ESRRG: variants seen among roughly 807,000 people sequenced by gnomAD.
ESRRG encodes estrogen-related receptor gamma.
A neutral mutation model predicts 44.0 loss-of-function variants in ESRRG; 13 were observed. The observed-to-expected ratio is 0.30, with a 90% CI of 0.19 to 0.47. The LOEUF is 0.47. Among genes scored for constraint, ESRRG ranks in the 20% least tolerant of loss-of-function variants. ESRRG has a pLI of 1.00. For missense variants in ESRRG, 395 were observed against 580.6 expected, an observed-to-expected ratio of 0.68 and a Z score of 3.29; for synonymous variants, 215 against 214.6, an observed-to-expected ratio of 1.00 and a Z score of -0.02.
intron 1 of ESRRG, among the ~76,000 whole-genome samples, chr1:216,998,583 A>G (rs1212415932): frequency 6.6e-6 from 1 of 152,160 alleles, no homozygotes; most frequent in Non-Finnish European, 1.5e-5. Flanking sequence ...ATAATTTAGC[A>G]TTTTGCTTAC....
intron 5 of ESRRG, among the ~76,000 whole-genome samples, chr1:216,559,933 T>C (rs1336714514): frequency 9.9e-5 from 15 of 152,208 alleles, no homozygotes; most frequent in Admixed American, 9.2e-4. Context: ...AGTTTATCCA[T>C]GTTCTTTATA....
intron 1 of ESRRG, among the ~76,000 whole-genome samples, chr1:217,014,819 C>G (rs17686927): frequency 6.6e-6 from 1 of 152,152 alleles, no homozygotes; most frequent in African/African-American, 2.4e-5. Context: ...TTTATTTATT[C>G]TCTACCTTTA....
At chr1:217,118,775 TGAGGCCAG>T (rs551597867) in intron 1 of ESRRG, among the ~76,000 whole-genome samples, 1 of 152,128 alleles carries the variant, frequency 6.6e-6, no homozygotes, top group South Asian at 2.1e-4. Context: ...GAGGATCACT[TGAGGCCAG>T]GAGCTTAAGA....
chr1:216,589,881 G>A (rs1252201296), intron 3 of ESRRG, among the ~76,000 whole-genome samples: 1 of 133,406 alleles, frequency 7.5e-6, no homozygotes, highest in Non-Finnish European at 1.5e-5. Context: ...TCCACCCTGG[G>A]CAACAGGGTG....
intron 3 of ESRRG, among the ~76,000 whole-genome samples, chr1:216,603,841 G>A (rs1402424570): frequency 2.6e-5 from 4 of 151,160 alleles, no homozygotes; most frequent in East Asian, 3.9e-4. Context: ...GATGAGACAT[G>A]AGAATCACTT....
chr1:217,092,724 G>T (rs139537043), upstream of ESRRG, among the ~76,000 whole-genome samples: 2 of 152,264 alleles, frequency 1.3e-5, no homozygotes, highest in East Asian at 1.9e-4. Context: ...GCATTTTTCC[G>T]CTTTCTCTTC....
chr1:216,905,372 G>GT (rs1344369013), intron 2 of ESRRG, among the ~76,000 whole-genome samples: 1 of 151,812 alleles, frequency 6.6e-6, no homozygotes, highest in African/African-American at 2.4e-5. Context: ...TTGCTCTTCA[G>GT]TCTGCCAAGA....
At chr1:216,893,199 T>C (rs751782086) in intron 2 of ESRRG, among the ~76,000 whole-genome samples, 38 of 152,306 alleles carry the variant, frequency 2.5e-4, no homozygotes, top group Admixed American at 7.2e-4. Flanking sequence ...TCCATTCTGT[T>C]TCCTTTAACA....
At chr1:216,859,786 G>T (rs1559895441) in intron 2 of ESRRG, among the ~76,000 whole-genome samples, 1 of 152,092 alleles carries the variant, frequency 6.6e-6, no homozygotes, top group Non-Finnish European at 1.5e-5. Context: ...CTGCATCCCA[G>T]AAAAAGCTAA....
At chr1:217,009,303 T>C (rs560901011) in intron 1 of ESRRG, among the ~76,000 whole-genome samples, 5 of 152,252 alleles carry the variant, frequency 3.3e-5, no homozygotes, top group Non-Finnish European at 5.9e-5. Context: ...TAAAATTCAT[T>C]CCATAGGATG....
At chr1:216,828,684 C>T (rs1414239785) in intron 2 of ESRRG, among the ~76,000 whole-genome samples, 1 of 152,120 alleles carries the variant, frequency 6.6e-6, no homozygotes, top group Non-Finnish European at 1.5e-5. Context: ...CAAAGAACAA[C>T]TTGTCATAAA....
rs538447151 is a variant in ESRRG at position 216,796,785 on chromosome 1, CT to C, written c.-13-119295del. On this transcript the variant is annotated intron_variant, in intron 2 of 7. Coordinates refer to the ESRRG transcript ENST00000359162. ...TTCTTATGCTCAAAGCCAGAAACTTCTTGGTTGATCTTCCTGCTTCTATGAC... is the reference window on the plus strand; with the variant it reads ...TTCTTATGCTCAAAGCCAGAAACTTCTGGTTGATCTTCCTGCTTCTATGAC... Among the ~76,000 whole-genome samples the C allele has an allele frequency of 3.5e-3, 527 of 152,056 alleles. 2 individuals are homozygous for C. The highest frequency in any genetic ancestry group is 0.012 in the African/African-American group (485 of 41,490).
chr1:216,899,416 G>C (rs2058804888), intron 2 of ESRRG, among the ~76,000 whole-genome samples: 2 of 152,166 alleles, frequency 1.3e-5, no homozygotes, highest in Admixed American at 6.5e-5. Flanking sequence ...TTTTAGCCTT[G>C]AAAACAAAGG....
chr1:216,792,967 C>T (rs1455320359), intron 2 of ESRRG, among the ~76,000 whole-genome samples: 2 of 152,126 alleles, frequency 1.3e-5, no homozygotes, highest in Non-Finnish European at 2.9e-5. Context: ...CCTTAAATCC[C>T]TTTCTTTGTA....
chr1:216,880,259 A>T (rs552418103), intron 2 of ESRRG, among the ~76,000 whole-genome samples: 173 of 126,156 alleles, frequency 1.4e-3, no homozygotes, highest in Admixed American at 2.4e-3. Flanking sequence ...GTGTGCCAAG[A>T]TTGTGCCACT....
At chr1:216,826,502 T>C (rs928938869) in intron 2 of ESRRG, among the ~76,000 whole-genome samples, 1 of 152,306 alleles carries the variant, frequency 6.6e-6, no homozygotes, top group Middle Eastern at 3.4e-3. Flanking sequence ...AATAATGCTA[T>C]TGTTAGAATA....
intron 1 of ESRRG, among the ~76,000 whole-genome samples, chr1:217,115,813 C>G (rs1424906183): frequency 6.6e-6 from 1 of 152,114 alleles, no homozygotes; most frequent in East Asian, 1.9e-4. Flanking sequence ...TCTACCTACT[C>G]ATATTGCTCA....
chr1:216,641,490 C>T (rs1473021346), intron 3 of ESRRG, among the ~76,000 whole-genome samples: 3 of 152,138 alleles, frequency 2.0e-5, no homozygotes, highest in Non-Finnish European at 4.4e-5. Context: ...TGGCCATATC[C>T]TCAAAACAAC....
intron 1 of ESRRG, among the ~76,000 whole-genome samples, chr1:217,029,883 T>A (rs1428056178): frequency 6.6e-6 from 1 of 152,214 alleles, no homozygotes; most frequent in East Asian, 1.9e-4. Context: ...GGTTTGAGGT[T>A]ACTTATAAAG....
Sources: allele counts gnomAD v4.1 joint callset (sites outside exome capture counted in the v4.1 genomes callset), GRCh38; gene constraint gnomAD v4.1.1; transcripts MANE v1.5; gene names NCBI Gene and HGNC (gene_info 2026-07-23, HGNC 2026-07-21).